The following SLC10A7 variants were observed in gnomAD, a reference collection of about 807,000 sequenced individuals.
SLC10A7 encodes sodium/bile acid cotransporter 7.
A neutral mutation model predicts 43.2 loss-of-function variants in SLC10A7; 29 were observed. That is an observed-to-expected ratio of 0.67 (90% CI 0.50 to 0.92). The LOEUF is 0.92. Among genes scored for constraint, SLC10A7 ranks in the 40% least tolerant of loss-of-function variants. The probability of loss-of-function intolerance (pLI) is 0.00; values close to 1 mark genes in which losing one functional copy is unlikely to be tolerated. For synonymous variants in SLC10A7, 152 were observed against 144.8 expected, an observed-to-expected ratio of 1.05 and a Z score of -0.35; for missense variants, 295 against 403.2, an observed-to-expected ratio of 0.73 and a Z score of 2.30.
intron 6 of SLC10A7, among the ~76,000 whole-genome samples, chr4:146,309,614 T>C (rs182820642): frequency 1.3e-5 from 2 of 152,268 alleles, no homozygotes; most frequent in East Asian, 1.9e-4. Flanking sequence ...TGAATGACTG[T>C]AATACAAAGG....
intron 5 of SLC10A7, among the ~76,000 whole-genome samples, chr4:146,365,149 C>T (rs576020182): frequency 2.0e-5 from 3 of 152,148 alleles, no homozygotes; most frequent in Non-Finnish European, 4.4e-5. Flanking sequence ...ACATAAGACT[C>T]AGTAAGTATA....
intron 7 of SLC10A7, among the ~76,000 whole-genome samples, chr4:146,305,708 C>T (rs1416757642): frequency 6.6e-6 from 1 of 151,642 alleles, no homozygotes; most frequent in Non-Finnish European, 1.5e-5. Context: ...ATATAGCTAC[C>T]AGGGGTGCCT....
intron 4 of SLC10A7, among the ~76,000 whole-genome samples, chr4:146,455,358 GCT>G (rs1333201332): frequency 6.6e-6 from 1 of 151,788 alleles, no homozygotes; most frequent in Non-Finnish European, 1.5e-5. Context: ...ATTGAACTAA[GCT>G]CTCAGCACAC....
intron 3 of SLC10A7, among the ~76,000 whole-genome samples, chr4:146,507,111 T>C (rs549311672): frequency 6.6e-6 from 1 of 152,372 alleles, no homozygotes; most frequent in East Asian, 1.9e-4. Flanking sequence ...ATAGTTACCA[T>C]GCTGTACAAT....
At chr4:146,405,084 A>C (rs1020982197) in intron 5 of SLC10A7, among the ~76,000 whole-genome samples, 4 of 152,194 alleles carry the variant, frequency 2.6e-5, no homozygotes, top group Non-Finnish European at 5.9e-5. Context: ...AGGAAGATTT[A>C]CTATAGTTTA....
intron 4 of SLC10A7, among the ~76,000 whole-genome samples, chr4:146,499,456 A>G (rs900522085): frequency 6.6e-6 from 1 of 152,210 alleles, no homozygotes; most frequent in African/African-American, 2.4e-5. Context: ...AATATATTAT[A>G]CATAAGATTA....
intron 4 of SLC10A7, among the ~76,000 whole-genome samples, chr4:146,480,516 G>A (rs1734378745): frequency 6.6e-6 from 1 of 152,092 alleles, no homozygotes; most frequent in Non-Finnish European, 1.5e-5. Context: ...GTCATTAGCA[G>A]GCATCTCATG....
intron 5 of SLC10A7, among the ~76,000 whole-genome samples, chr4:146,387,126 G>T (rs796143322): frequency 7.9e-5 from 12 of 152,232 alleles, no homozygotes; most frequent in Middle Eastern, 3.4e-3. Context: ...AGACAATTGG[G>T]TCACAAAGGT....
intron 4 of SLC10A7, among the ~76,000 whole-genome samples, chr4:146,488,657 C>T (rs945706565): frequency 3.3e-5 from 5 of 152,184 alleles, no homozygotes; most frequent in East Asian, 1.9e-4. Flanking sequence ...TCTAAGCATT[C>T]GAAGTCTTAT....
At chr4:146,333,293 A>G (rs191624609) in intron 5 of SLC10A7, among the ~76,000 whole-genome samples, 1 of 152,300 alleles carries the variant, frequency 6.6e-6, no homozygotes, top group Admixed American at 6.5e-5. Context: ...TCACTGACAC[A>G]TTCAACATAT....
intron 5 of SLC10A7, among the ~76,000 whole-genome samples, chr4:146,432,071 A>G (rs1729820613): frequency 6.6e-6 from 1 of 152,220 alleles, no homozygotes; most frequent in Non-Finnish European, 1.5e-5. Context: ...ATACAAATTA[A>G]AGTTTTGATG....
intron 9 of SLC10A7, among the ~76,000 whole-genome samples, chr4:146,285,351 A>T (rs1442278651): frequency 1.3e-5 from 2 of 152,190 alleles, no homozygotes; most frequent in African/African-American, 4.8e-5. Context: ...TGGTGGAAAG[A>T]GACATGGAGA....
rs1738532577 is a variant in SLC10A7, at chr4:146,392,720, A to C, written c.435+50063T>G. 2.0e-5 allele frequency among the ~76,000 whole-genome samples: 3 copies of C among 152,328 alleles called. No individual in the cohort carries two copies. The South Asian group carries it at 6.2e-4, about 32-fold the overall frequency. ...CAATGCCTGGTGAAAGATTTTGAAC[A>C]ATTCTTAATACTAAAGCCAGAATAA... On this transcript the variant is annotated intron_variant, in intron 5 of 11. Transcript: ENST00000335472.
In SLC10A7 at chr4:146,261,596, C is replaced by T. The variant is rs185542503; in HGVS notation, c.848-2759G>A. On this transcript the variant is annotated intron_variant, in intron 10 of 11. Transcript: ENST00000335472. ...TACTCTGCCTTGTATAACAGTCATT[C>T]CCTTTGCTTGAAAAAGAGAAGGGAT... is the stretch of plus-strand genomic sequence containing the variant. Among the ~76,000 whole-genome samples the T allele has an allele frequency of 7.7e-4, 118 of 152,264 alleles. 1 individual carries two copies. The highest frequency in any genetic ancestry group is 2.7e-3 in the African/African-American group (111 of 41,550).
intron 9 of SLC10A7, among the ~76,000 whole-genome samples, chr4:146,286,175 G>GAGTTTGGAGTGGTGAGAAGGACC (rs1729915319): frequency 8.7e-6 from 1 of 115,106 alleles, no homozygotes; most frequent in Non-Finnish European, 1.8e-5. Flanking sequence ...TGAGAAGGAC[G>GAGTTTGGAGTGGTGAGAAGGACC]GAGTTTGGAG....
At chr4:146,379,935 T>TTCTCTCTC (rs5862757) in intron 5 of SLC10A7, among the ~76,000 whole-genome samples, 2 of 146,404 alleles carry the variant, frequency 1.4e-5, no homozygotes, top group East Asian at 2.1e-4. Context: ...TGACAAATAA[T>TTCTCTCTC]TCTCTCTCTC....
chr4:146,429,326 C>G (rs765344111), intron 5 of SLC10A7, among the ~76,000 whole-genome samples: 4 of 152,064 alleles, frequency 2.6e-5, no homozygotes, highest in Non-Finnish European at 5.9e-5. Flanking sequence ...ATATGATATA[C>G]AAGATATTTT....
chr4:146,475,038 A>G (rs1733908871), intron 4 of SLC10A7, among the ~76,000 whole-genome samples: 1 of 152,208 alleles, frequency 6.6e-6, no homozygotes, highest in Admixed American at 6.5e-5. Flanking sequence ...ATCTGGTGGT[A>G]TAGCTATGGC....
intron 5 of SLC10A7, among the ~76,000 whole-genome samples, chr4:146,345,451 C>A (rs906605619): frequency 8.5e-5 from 13 of 152,128 alleles, no homozygotes; most frequent in African/African-American, 3.1e-4. Flanking sequence ...GCCTACATTT[C>A]CATCTTTTTC....
Sources: allele counts gnomAD v4.1 joint callset (sites outside exome capture counted in the v4.1 genomes callset), GRCh38; gene constraint gnomAD v4.1.1; transcripts MANE v1.5; gene names NCBI Gene and HGNC (gene_info 2026-07-23, HGNC 2026-07-21).